Variants in CSRP1 observed in about 807,000 individuals in gnomAD.
The protein encoded by CSRP1 is cysteine and glycine rich protein 1.
In CSRP1, 16 loss-of-function variants were observed where a neutral mutation model predicts 25.4. The ratio of observed to expected loss-of-function variants is 0.63; its 90% CI spans 0.43 to 0.96. The LOEUF is 0.96. Among genes scored for constraint, CSRP1 ranks in the 40% least tolerant of loss-of-function variants. The probability of loss-of-function intolerance (pLI) is 0.00; values close to 1 mark genes in which losing one functional copy is unlikely to be tolerated. For missense variants in CSRP1, 212 were observed against 243.6 expected, an observed-to-expected ratio of 0.87 and a Z score of 0.86; for synonymous variants, 97 against 95.3, an observed-to-expected ratio of 1.02 and a Z score of -0.10.
intron 2 of CSRP1, chr1:201,492,420 A>T: frequency 6.6e-6 from 1 of 152,278 alleles, no homozygotes; most frequent in East Asian, 1.9e-4. Context: ...CAGGTGATAT[A>T]CTGAGAGACT....
intron 4 of CSRP1, 126 bp downstream of exon 4, chr1:201,488,729 G>T: frequency 9.0e-7 from 1 of 1,105,860 alleles, no homozygotes; most frequent in Non-Finnish European, 1.3e-6. Context: ...GGGACAAAGA[G>T]AAGAGGTTAA....
chr1:201,489,942 A>G (rs1241424512), intron 3 of CSRP1: 14 of 463,720 alleles, frequency 3.0e-5, no homozygotes, highest in Non-Finnish European at 7.7e-6. Context: ...CTCTCATACA[A>G]ATATAGAATG....
intron 1 of CSRP1, among the ~76,000 whole-genome samples, chr1:201,499,254 C>T (rs1664595564): frequency 6.6e-6 from 1 of 152,204 alleles, no homozygotes; most frequent in South Asian, 2.1e-4. Context: ...GATCATCGGC[C>T]ATTTCCCCCT....
Position 201,497,487 on chromosome 1 carries a change from TGAGAATGAGATACTTGA to T in CSRP1, c.-1-1200_-1-1184del, listed in dbSNP as rs1199457946. ...CCCACATCTAATGAATTATAACCTC[TGAGAATGAGATACTTGA>T]GAGAATGAGGTACTTGAATCTGAAT... On this transcript the variant is annotated intron_variant, in intron 1 of 5. Coordinates refer to ENST00000340006, the MANE Select transcript of CSRP1 (RefSeq NM_004078.3). Among the ~76,000 whole-genome samples the T allele has an allele frequency of 5.6e-4, 85 of 151,842 alleles. 1 individual carries two copies. The highest frequency in any genetic ancestry group is 2.8e-4 in the Non-Finnish European group (19 of 67,984).
At chr1:201,505,284 G>A (rs548831914) in intron 1 of CSRP1, among the ~76,000 whole-genome samples, 15 of 152,264 alleles carry the variant, frequency 9.9e-5, no homozygotes, top group African/African-American at 3.6e-4. Flanking sequence ...TGATCACTCA[G>A]TCAAGTGTCA....
chr1:201,505,574 C>T (rs1007979765), intron 1 of CSRP1, among the ~76,000 whole-genome samples: 1 of 152,218 alleles, frequency 6.6e-6, no homozygotes, highest in African/African-American at 2.4e-5. Flanking sequence ...CCTCCCTCTC[C>T]TCTAACCCAC....
chr1:201,502,320 G>T (rs1215778472), intron 1 of CSRP1, among the ~76,000 whole-genome samples: 4 of 152,232 alleles, frequency 2.6e-5, no homozygotes, highest in African/African-American at 7.2e-5. Flanking sequence ...CTTGGTATCT[G>T]CCAGGTGGAC....
intron 5 of CSRP1, 37 bp from the exon 6 acceptor site, chr1:201,484,826 C>T (rs1664080645): frequency 6.4e-7 from 1 of 1,572,980 alleles, no homozygotes; most frequent in Admixed American, 1.8e-5. Flanking sequence ...CATGTTCTTC[C>T]TCCACCCCCA....
rs552256715 is a variant in CSRP1, at chr1:201,505,632, G to A, written c.-2+1438C>T. ...CTTCCTTCCTCGTCTGACTGCCTCC[G>A]CCCCGGATATCCTCTCCAAGGCAAA... On this transcript the variant is annotated intron_variant, in intron 1 of 5. Transcript: ENST00000340006. Among the ~76,000 whole-genome samples the A allele has an allele frequency of 2.6e-5, 4 of 152,292 alleles. No homozygotes were observed. In the East Asian group the frequency reaches 7.7e-4, roughly 29 times the overall value.
chr1:201,487,023 T>C, intron 4 of CSRP1: 2 of 1,284,204 alleles, frequency 1.6e-6, no homozygotes, highest in East Asian at 5.6e-5. Flanking sequence ...TCCCTGAAAA[T>C]AAACAACAAT....
In CSRP1 at chr1:201,483,641, G is replaced by A. The variant is rs1234370789; in HGVS notation, c.*1072C>T. On this transcript the variant is annotated 3_prime_UTR_variant, in exon 6 of 6. Transcript: ENST00000340006. ...ATAGTGTTGTCCTTTCAGTTGCTGG[G>A]AGCGGTGAGGCCCAGCCCTTTCCCC... is the stretch of plus-strand genomic sequence containing the variant. 2 of 220,790 alleles carry A rather than the reference G, an allele frequency of 9.1e-6. No homozygotes were observed. The highest frequency in any genetic ancestry group is 8.5e-5 in the East Asian group (1 of 11,744). The allele number at this position is 220,790 out of a possible 1,614,324, so 13.7% of individuals were successfully genotyped here.
chr1:201,499,407 C>A (rs1233899167), intron 1 of CSRP1, among the ~76,000 whole-genome samples: 1 of 152,200 alleles, frequency 6.6e-6, no homozygotes, highest in African/African-American at 2.4e-5. Context: ...GGATCAGGAA[C>A]AGGCTGAGAC....
chr1:201,487,189 A>T (rs1429474560), intron 4 of CSRP1: 1 of 326,150 alleles, frequency 3.1e-6, no homozygotes, highest in Non-Finnish European at 6.0e-6. Flanking sequence ...AGGTGGGTGG[A>T]TCGTGAGGTC....
intron 3 of CSRP1, chr1:201,489,931 A>C (rs1423894197): frequency 2.4e-6 from 1 of 419,658 alleles, no homozygotes; most frequent in Non-Finnish European, 4.2e-6. Context: ...CCCAGCTCTG[A>C]CTCTCATACA....
chr1:201,497,622 T>G (rs963709008), intron 1 of CSRP1, among the ~76,000 whole-genome samples: 4 of 152,306 alleles, frequency 2.6e-5, no homozygotes, highest in Middle Eastern at 3.4e-3. Context: ...CCTGATGCCA[T>G]GCAGGTTTGG....
At chr1:201,486,014 T>C (rs770654519) in intron 4 of CSRP1, 1 of 152,276 alleles carries the variant, frequency 6.6e-6, no homozygotes, top group Non-Finnish European at 1.5e-5. Context: ...AGTCAGTTAG[T>C]GTTCACAGCT....
chr1:201,499,574 A>G (rs1192253813), intron 1 of CSRP1, among the ~76,000 whole-genome samples: 2 of 151,864 alleles, frequency 1.3e-5, no homozygotes, highest in African/African-American at 2.4e-5. Context: ...ACTGCCATGG[A>G]CTGAATGCCT....
chr1:201,484,799 G>A lies in CSRP1; in HGVS notation c.506-10C>T. 1 of 1,609,574 alleles carries A rather than the reference G, an allele frequency of 6.2e-7. No homozygotes were observed. Among genetic ancestry groups the A allele is most frequent in the Non-Finnish European group, 8.5e-7 (1 of 1,178,716 alleles). Reference sequence around the variant, plus strand: ...TTTTTAGCATAACATCCTGCAGAGAGAGGAGAGAGATAAGGGCATGTTCTT... The same window carrying A: ...TTTTTAGCATAACATCCTGCAGAGAAAGGAGAGAGATAAGGGCATGTTCTT... On this transcript the variant is annotated splice_polypyrimidine_tract_variant and intron_variant, in intron 5 of 5. Transcript: ENST00000340006.
chr1:201,496,444 A>G, intron 1 of CSRP1, 140 bp from the exon 2 acceptor site: 1 of 705,796 alleles, frequency 1.4e-6, no homozygotes, highest in Middle Eastern at 2.4e-4. Flanking sequence ...CAGGCCTGGC[A>G]GAGCACTTTC....
Sources: gnomAD v4.1 joint callset for allele counts (sites outside exome capture counted in the v4.1 genomes callset) on GRCh38, gnomAD v4.1.1 for gene constraint, MANE v1.5 for transcripts, NCBI Gene and HGNC (gene_info 2026-07-23, HGNC 2026-07-21) for gene names.